ZFHX3: variants seen among roughly 807,000 people sequenced by gnomAD.
ZFHX3 encodes the protein zinc finger homeobox 3, also known as zinc finger homeobox protein 3.
A neutral mutation model predicts 279.1 loss-of-function variants in ZFHX3; 42 were observed. The ratio of observed to expected loss-of-function variants is 0.15; its 90% CI spans 0.12 to 0.19. The LOEUF (loss-of-function observed/expected upper bound fraction) is 0.19. Ranked by LOEUF, ZFHX3 falls within the 10% of genes least tolerant of loss-of-function variation. ZFHX3 has a pLI of 1.00. For synonymous variants in ZFHX3, 2,293 were observed against 1,957.8 expected (o/e 1.17, Z -4.52); for missense variants, 4,981 against 4,754.0 (o/e 1.05, Z -1.40).
At chr16:73,816,630 G>T (rs887608756) in intron 1 of ZFHX3, among the ~76,000 whole-genome samples, 8 of 59,418 alleles carry the variant, frequency 1.3e-4, no homozygotes, top group East Asian at 3.9e-4. Flanking sequence ...TAAAAGAGAT[G>T]GGGGGGGAGA....
chr16:73,269,506 T>C (rs1173017572), intron 4 of ZFHX3, among the ~76,000 whole-genome samples: 1 of 152,228 alleles, frequency 6.6e-6, no homozygotes, highest in East Asian at 1.9e-4. Context: ...CAGTTTGTTG[T>C]TTTATTGTTA....
At chr16:73,191,685 C>G (rs1230121854) in intron 5 of ZFHX3, among the ~76,000 whole-genome samples, 1 of 152,136 alleles carries the variant, frequency 6.6e-6, no homozygotes, top group Non-Finnish European at 1.5e-5. Context: ...GGTCCCCTCT[C>G]ACCCACGGCT....
At chr16:73,857,434 T>A (rs1961763023) in intron 1 of ZFHX3, among the ~76,000 whole-genome samples, 1 of 152,220 alleles carries the variant, frequency 6.6e-6, no homozygotes. Context: ...ACATCCCCTC[T>A]CTTTAGCATA....
intron 5 of ZFHX3, among the ~76,000 whole-genome samples, chr16:73,233,330 T>C (rs568422223): frequency 4.0e-5 from 6 of 151,768 alleles, no homozygotes; most frequent in Non-Finnish European, 5.9e-5. Context: ...AGAAAAAAAA[T>C]GAAAACCCCA....
chr16:73,887,826 T>C (rs1320244342), intron 1 of ZFHX3, among the ~76,000 whole-genome samples: 1 of 152,182 alleles, frequency 6.6e-6, no homozygotes, highest in Non-Finnish European at 1.5e-5. Context: ...CCCAGAGTTC[T>C]ATCTCATTTT....
intron 4 of ZFHX3, among the ~76,000 whole-genome samples, chr16:72,851,050 GA>G (rs1227823262): frequency 6.6e-6 from 1 of 152,090 alleles, no homozygotes; most frequent in Non-Finnish European, 1.5e-5. Flanking sequence ...GGGTTTCTAG[GA>G]TAAACAGCAG....
At chr16:73,452,042 G>C (rs951915328) in intron 3 of ZFHX3, among the ~76,000 whole-genome samples, 2 of 152,166 alleles carry the variant, frequency 1.3e-5, no homozygotes, top group Admixed American at 6.5e-5. Context: ...AGTACACAAA[G>C]AGCTGAGAGT....
At chr16:73,586,223 T>C (rs969796694) in intron 2 of ZFHX3, among the ~76,000 whole-genome samples, 1 of 151,468 alleles carries the variant, frequency 6.6e-6, no homozygotes, top group East Asian at 1.9e-4. Flanking sequence ...ACCCCGTCTC[T>C]GTTAAAAATA....
At position 73,526,890 on chromosome 16, in the gene ZFHX3, T is replaced by C. The variant is rs533455695; in HGVS notation, c.-1546-70632A>G. Among the ~76,000 whole-genome samples, 60 of 151,940 alleles carry C rather than the reference T, an allele frequency of 3.9e-4. 1 individual carries two copies. Among genetic ancestry groups the C allele is most frequent in the African/African-American group, 1.4e-3 (59 of 41,422 alleles). ...CATACCCTCTACTTCTTATCTAGTA[T>C]TCGGTACCTCTTTGATTACATTTAC... On this transcript the variant is annotated intron_variant, in intron 2 of 17. Transcript: ENST00000641206.
intron 4 of ZFHX3, among the ~76,000 whole-genome samples, chr16:73,308,122 C>G (rs965968082): frequency 6.6e-6 from 1 of 151,020 alleles, no homozygotes; most frequent in Admixed American, 6.6e-5. Context: ...AAATACTTGT[C>G]GGAGAGATAA....
intron 5 of ZFHX3, among the ~76,000 whole-genome samples, chr16:73,157,420 T>G (rs1488109636): frequency 7.4e-6 from 1 of 134,986 alleles, no homozygotes; most frequent in African/African-American, 2.9e-5. Context: ...TTCTTGGCTA[T>G]GATCAATGTG....
At chr16:73,872,602 C>A (rs180734917) in intron 1 of ZFHX3, among the ~76,000 whole-genome samples, 1 of 151,138 alleles carries the variant, frequency 6.6e-6, no homozygotes, top group African/African-American at 2.4e-5. Flanking sequence ...CTGAATAGTA[C>A]ATGAATTGTC....
intron 2 of ZFHX3, among the ~76,000 whole-genome samples, chr16:73,656,656 TAAAGTA>T (rs2052723790): frequency 6.6e-6 from 1 of 152,200 alleles, no homozygotes; most frequent in African/African-American, 2.4e-5. Context: ...ATTTTTCACT[TAAAGTA>T]AAACACAATA....
At chr16:73,847,085 T>C (rs774213568) in intron 1 of ZFHX3, among the ~76,000 whole-genome samples, 2 of 152,062 alleles carry the variant, frequency 1.3e-5, no homozygotes, top group African/African-American at 4.8e-5. Flanking sequence ...GAGGATCACC[T>C]GAGGTCAGGA....
intron 3 of ZFHX3, among the ~76,000 whole-genome samples, chr16:73,448,684 A>G (rs187744566): frequency 3.1e-4 from 21 of 66,894 alleles, no homozygotes; most frequent in Non-Finnish European, 7.5e-4. Context: ...ATATTTATAT[A>G]CGTGTGTGTG....
chr16:73,230,758 C>T (rs1307302046), intron 5 of ZFHX3, among the ~76,000 whole-genome samples: 1 of 152,176 alleles, frequency 6.6e-6, no homozygotes, highest in Non-Finnish European at 1.5e-5. Flanking sequence ...GGCACCTCAG[C>T]CCGTGTGATA....
chr16:73,133,745 T>C (rs1335407721), intron 6 of ZFHX3, among the ~76,000 whole-genome samples: 1 of 152,110 alleles, frequency 6.6e-6, no homozygotes, highest in East Asian at 1.9e-4. Context: ...ATTTTGGGGG[T>C]TCCTGTCCAC....
chr16:73,039,117 T>TA (rs11343058), intron 1 of ZFHX3, among the ~76,000 whole-genome samples: 127 of 133,792 alleles, frequency 9.5e-4, no homozygotes, highest in East Asian at 1.8e-3. Flanking sequence ...CCTAGCTAAT[T>TA]AAAAAAAAAA....
At chr16:73,652,530 G>A (rs918836667) in intron 2 of ZFHX3, among the ~76,000 whole-genome samples, 12 of 152,084 alleles carry the variant, frequency 7.9e-5, no homozygotes, top group African/African-American at 2.9e-4. Flanking sequence ...ACAAGAAGAA[G>A]ATAAAAGAAA....
Sources: gnomAD v4.1 joint callset for allele counts (sites outside exome capture counted in the v4.1 genomes callset) on GRCh38, gnomAD v4.1.1 for gene constraint, MANE v1.5 for transcripts, NCBI Gene and HGNC (gene_info 2026-07-23, HGNC 2026-07-21) for gene names.